Variants in DDR2 observed in about 807,000 individuals in gnomAD.
DDR2 encodes the protein discoidin domain receptor tyrosine kinase 2.
DDR2 carries 27 observed loss-of-function variants against 94.9 expected under a neutral mutation model. The observed-to-expected ratio is 0.28, with a 90% confidence interval of 0.21 to 0.39. The LOEUF (loss-of-function observed/expected upper bound fraction) is 0.39. Among genes scored for constraint, DDR2 ranks in the 10% least tolerant of loss-of-function variants. DDR2 has a pLI of 1.00. For synonymous variants in DDR2, 382 were observed against 377.2 expected, an observed-to-expected ratio of 1.01 and a Z score of -0.15; for missense variants, 783 against 1,076.0, an observed-to-expected ratio of 0.73 and a Z score of 3.81.
chr1:162,737,248 G>A (rs1053984669), intron 3 of DDR2, among the ~76,000 whole-genome samples: 12 of 148,406 alleles, frequency 8.1e-5, no homozygotes, highest in Admixed American at 3.3e-4. Flanking sequence ...ATGCTGGTGC[G>A]CTGCACCCAC....
At chr1:162,691,499 G>A (rs1571204789) in intron 2 of DDR2, among the ~76,000 whole-genome samples, 2 of 152,212 alleles carry the variant, frequency 1.3e-5, no homozygotes, top group East Asian at 3.8e-4. Flanking sequence ...TAAAAGGAGT[G>A]ATAGGTGTGA....
At chr1:162,711,797 T>C (rs1434782656) in intron 2 of DDR2, among the ~76,000 whole-genome samples, 1 of 150,174 alleles carries the variant, frequency 6.7e-6, no homozygotes, top group East Asian at 2.0e-4. Context: ...CACATACATA[T>C]ATACACACAC....
At chr1:162,709,007 C>G (rs1423783298) in intron 2 of DDR2, among the ~76,000 whole-genome samples, 1 of 152,156 alleles carries the variant, frequency 6.6e-6, no homozygotes, top group African/African-American at 2.4e-5. Flanking sequence ...GTTCTAGACA[C>G]TTCTTACATG....
At chr1:162,725,042 A>G (rs1302050078) in intron 3 of DDR2, among the ~76,000 whole-genome samples, 2 of 152,176 alleles carry the variant, frequency 1.3e-5, no homozygotes, top group African/African-American at 4.8e-5. Context: ...TGGTTGTGCC[A>G]AATAGGGAAA....
chr1:162,768,051 A>T (rs1023711328), intron 11 of DDR2, among the ~76,000 whole-genome samples: 1 of 152,202 alleles, frequency 6.6e-6, no homozygotes, highest in Non-Finnish European at 1.5e-5. Context: ...TTGAGTAATA[A>T]CTCATAGGCA....
In DDR2 at chr1:162,638,795, C is replaced by T. The variant is rs1293568842; in HGVS notation, c.-192+6164C>T. ...TTCACTCAAGAATAGCAATCTGTTC[C>T]TCAGACAGATGCAGTTGTAATTTTA... On this transcript the variant is annotated intron_variant, in intron 1 of 17. Transcript: ENST00000367921. 3.0e-4 allele frequency among the ~76,000 whole-genome samples: 46 copies of T among 152,116 alleles called. 1 individual carries two copies. The highest frequency in any genetic ancestry group is 3.0e-3 in the Admixed American group (46 of 15,266).
At chr1:162,728,728 G>A (rs1661848229) in intron 3 of DDR2, among the ~76,000 whole-genome samples, 1 of 152,054 alleles carries the variant, frequency 6.6e-6, no homozygotes, top group African/African-American at 2.4e-5. Context: ...TCCCCAACTT[G>A]GTGATTCTTG....
In DDR2 at chr1:162,781,095, G is replaced by C. The variant is rs1408660211; in HGVS notation, c.*849G>C. The C allele has an allele frequency of 6.6e-6, 1 of 152,286 alleles. No individual in the cohort carries two copies. Among genetic ancestry groups the C allele is most frequent in the East Asian group, 1.9e-4 (1 of 5,178 alleles). 9.4% of individuals were successfully genotyped at this position (152,286 alleles called of 1,614,324 possible). A position where few individuals can be genotyped will look rare whatever the true frequency, so the allele number is the denominator to read the frequency against. On this transcript the variant is annotated 3_prime_UTR_variant, in exon 18 of 18. Transcript: ENST00000367921. Reference sequence around the variant, plus strand: ...ATTTTGTAAGAGGGTTCTCTTCTTTGTCTTGTTCAGATATTTTCATGTGTG... The same window carrying C: ...ATTTTGTAAGAGGGTTCTCTTCTTTCTCTTGTTCAGATATTTTCATGTGTG...
rs145585745 is a variant in DDR2, at chr1:162,658,996, G to A, written c.-28+3622G>A. ...AGAAAGAACTGGGGAGGAGGGGAGC[G>A]GTCTAGAGAATAACATGCTCTTATT... On this transcript the variant is annotated intron_variant, in intron 2 of 17. Coordinates refer to ENST00000367921, the MANE Select transcript of DDR2 (RefSeq NM_006182.4). 1.1e-4 allele frequency among the ~76,000 whole-genome samples: 16 copies of A among 152,010 alleles called. No individual in the cohort carries two copies. The East Asian group carries it at 1.4e-3, about 13-fold the overall frequency.
chr1:162,755,092 G>A, intron 5 of DDR2, 64 bp from the exon 6 acceptor site: 1 of 1,606,396 alleles, frequency 6.2e-7, no homozygotes, highest in African/African-American at 1.3e-5. Context: ...AAAACGTGGT[G>A]GGGTGAAGAA....
At chr1:162,634,186 G>T (rs1388717760) in intron 1 of DDR2, among the ~76,000 whole-genome samples, 1 of 152,196 alleles carries the variant, frequency 6.6e-6, no homozygotes, top group Non-Finnish European at 1.5e-5. Context: ...CTGAACATTT[G>T]TCTGGATATC....
chr1:162,775,077 C>G (rs2102193504), intron 14 of DDR2, among the ~76,000 whole-genome samples: 1 of 152,160 alleles, frequency 6.6e-6, no homozygotes, highest in East Asian at 1.9e-4. Flanking sequence ...TGATTACCAC[C>G]ACAGCCTTTA....
rs1187806490 is a variant in DDR2 at position 162,720,995 on chromosome 1, T to C, written c.82+1850T>C. Reference sequence around the variant, plus strand: ...AGCCCAGTGCCTTGTTACTTTCTCGTAATAAGCTCAGCTGTTGCATCTCAG... The same window carrying C: ...AGCCCAGTGCCTTGTTACTTTCTCGCAATAAGCTCAGCTGTTGCATCTCAG... On this transcript the variant is annotated intron_variant, in intron 3 of 17. Transcript: ENST00000367921. 2.0e-5 allele frequency among the ~76,000 whole-genome samples: 3 copies of C among 152,204 alleles called. No individual in the cohort carries two copies. In the East Asian group the frequency reaches 5.8e-4, roughly 29 times the overall value.
chr1:162,754,885 T>C, intron 5 of DDR2, 30 bp downstream of exon 5: 1 of 1,612,570 alleles, frequency 6.2e-7, no homozygotes, highest in Non-Finnish European at 8.5e-7. Flanking sequence ...AGATCCTGGA[T>C]GTCCAAGACC....
intron 3 of DDR2, among the ~76,000 whole-genome samples, chr1:162,742,832 C>T (rs1662676580): frequency 1.3e-5 from 2 of 152,184 alleles, no homozygotes; most frequent in African/African-American, 4.8e-5. Flanking sequence ...GCACTTCTTA[C>T]ATGGCAGCAG....
chr1:162,759,231 G>T (rs890767626), intron 7 of DDR2, among the ~76,000 whole-genome samples: 1 of 152,138 alleles, frequency 6.6e-6, no homozygotes, highest in Admixed American at 6.5e-5. Flanking sequence ...AAACTGGGTT[G>T]TTGGATATGT....
chr1:162,715,572 T>C (rs1160752732), intron 2 of DDR2, among the ~76,000 whole-genome samples: 1 of 152,076 alleles, frequency 6.6e-6, no homozygotes, highest in African/African-American at 2.4e-5. Flanking sequence ...AAGGATGATA[T>C]AGTGTGATGA....
At chr1:162,667,436 CTT>C (rs1027497398) in intron 2 of DDR2, among the ~76,000 whole-genome samples, 1 of 152,154 alleles carries the variant, frequency 6.6e-6, no homozygotes, top group Non-Finnish European at 1.5e-5. Flanking sequence ...GTCCAGAGCT[CTT>C]TTTGTCACAC....
chr1:162,758,829 C>T (rs1329173682), intron 7 of DDR2, among the ~76,000 whole-genome samples: 4 of 152,122 alleles, frequency 2.6e-5, no homozygotes, highest in Admixed American at 6.5e-5. Flanking sequence ...ATCCCAATCT[C>T]GTCATTTGGG....
Sources: allele counts gnomAD v4.1 joint callset (sites outside exome capture counted in the v4.1 genomes callset), GRCh38; gene constraint gnomAD v4.1.1; transcripts MANE v1.5; gene names NCBI Gene and HGNC (gene_info 2026-07-23, HGNC 2026-07-21).